Variants in DIP2C observed in about 807,000 individuals in gnomAD.
DIP2C encodes disco-interacting protein 2 homolog C.
Under a neutral mutation model 192.4 loss-of-function variants are expected in DIP2C, and 33 were observed. The observed-to-expected ratio is 0.17, with a 90% CI of 0.13 to 0.23. DIP2C has a LOEUF of 0.23. Ranked by LOEUF, DIP2C falls within the 10% of genes least tolerant of loss-of-function variation. The probability of loss-of-function intolerance (pLI) is 1.00; values close to 1 mark genes in which losing one functional copy is unlikely to be tolerated. For synonymous variants in DIP2C, 979 were observed against 864.1 expected (o/e 1.13, Z -2.33); for missense variants, 1,537 against 2,110.1 (o/e 0.73, Z 5.32).
At chr10:507,196 C>A (rs1323908175) in intron 1 of DIP2C, among the ~76,000 whole-genome samples, 2 of 147,168 alleles carry the variant, frequency 1.4e-5, no homozygotes, top group East Asian at 4.1e-4. Context: ...CAATCAGAAG[C>A]TTTTGAGGTT....
intron 3 of DIP2C, among the ~76,000 whole-genome samples, chr10:466,071 G>C (rs1163318401): frequency 8.0e-4 from 119 of 148,204 alleles, no homozygotes; most frequent in African/African-American, 2.7e-3. Context: ...AAAAGAGCCC[G>C]CATCACCAAG....
intron 1 of DIP2C, chr10:669,615 G>A (rs1857319461): frequency 6.6e-6 from 1 of 152,238 alleles, no homozygotes; most frequent in Non-Finnish European, 1.5e-5. Flanking sequence ...ACTGGTTTAT[G>A]ATGCAGGTAA....
chr10:572,866 A>G lies in DIP2C; in HGVS notation c.86-86336T>C, dbSNP rs373135027. On this transcript the variant is annotated intron_variant, in intron 1 of 36. Coordinates refer to ENST00000280886, the MANE Select transcript of DIP2C (RefSeq NM_014974.3). ...GCCAGGAAACTGCACTCTCCAGTAA[A>G]TGACAGCCGGCGGGACTCGCTAAAC... 4.6e-5 allele frequency among the ~76,000 whole-genome samples: 7 copies of G among 152,208 alleles called. No individual in the cohort carries two copies. In the East Asian group the frequency reaches 1.4e-3, roughly 29 times the overall value.
intron 4 of DIP2C, among the ~76,000 whole-genome samples, chr10:435,631 A>G (rs567007066): frequency 3.3e-5 from 5 of 152,098 alleles, no homozygotes; most frequent in Non-Finnish European, 7.3e-5. Context: ...CTGTGACCTC[A>G]TGTCTCTTGC....
chr10:548,480 CAGT>C (rs1357965958), intron 1 of DIP2C, among the ~76,000 whole-genome samples: 11 of 146,904 alleles, frequency 7.5e-5, no homozygotes, highest in African/African-American at 2.3e-4. Context: ...GGCAGGCAGG[CAGT>C]GAGGCCAGAG....
chr10:465,700 C>CA (rs1205671275), intron 3 of DIP2C, among the ~76,000 whole-genome samples: 52 of 151,994 alleles, frequency 3.4e-4, no homozygotes, highest in African/African-American at 1.1e-3. Context: ...TCTCAGGATA[C>CA]AAAATCAATG....
intron 1 of DIP2C, among the ~76,000 whole-genome samples, chr10:507,302 C>T (rs1845673254): frequency 6.6e-6 from 1 of 150,560 alleles, no homozygotes; most frequent in Non-Finnish European, 1.5e-5. Flanking sequence ...CAGACCTAGT[C>T]ACCAGCTGCA....
intron 31 of DIP2C, among the ~76,000 whole-genome samples, chr10:314,436 TC>T (rs1267985166): frequency 6.6e-6 from 1 of 152,124 alleles, no homozygotes; most frequent in African/African-American, 2.4e-5. Context: ...TGCTCTTCCC[TC>T]CCCGGTCTCG....
intron 33 of DIP2C, among the ~76,000 whole-genome samples, chr10:287,536 T>A (rs1029827515): frequency 1.3e-5 from 2 of 152,140 alleles, no homozygotes; most frequent in Non-Finnish European, 2.9e-5. Flanking sequence ...GGTGAGCACA[T>A]TCCTACTGTT....
In DIP2C at chr10:349,289, C is replaced by T. The variant is rs753186485; in HGVS notation, c.3109+42G>A. 2.1e-5 allele frequency: 33 copies of T among 1,583,346 alleles called. No homozygotes were observed. The East Asian group carries it at 5.2e-4, about 25-fold the overall frequency. On this transcript the variant is annotated intron_variant, in intron 25 of 36. Coordinates refer to ENST00000280886, the MANE Select transcript of DIP2C (RefSeq NM_014974.3). ...GGGACCTCCTCGCACCGCGGCTGAC[C>T]GGCTTGCCATCTCTCAGGGGAAGCC...
rs368625107 is a variant in DIP2C, at chr10:627,336, C to T, written c.85+62158G>A. Among the ~76,000 whole-genome samples, 108 of 152,354 alleles carry T rather than the reference C, an allele frequency of 7.1e-4. 1 individual carries two copies. In the South Asian group the frequency reaches 0.022, roughly 30 times the overall value. Reference sequence around the variant, plus strand: ...CTCTCCAAAACCCCCCATCAGCATCCCAGCATCTGGACCTGTGTCACCAGC... The same window carrying T: ...CTCTCCAAAACCCCCCATCAGCATCTCAGCATCTGGACCTGTGTCACCAGC... On this transcript the variant is annotated intron_variant, in intron 1 of 36. Transcript: ENST00000280886.
chr10:343,112 AC>A (rs371163036), intron 28 of DIP2C, among the ~76,000 whole-genome samples: 1,751 of 152,250 alleles, frequency 0.012, 35 homozygotes, highest in African/African-American at 0.04. Flanking sequence ...ACACAGTGAA[AC>A]CCCATCTCTA....
At chr10:584,391 C>A (rs1850863972) in intron 1 of DIP2C, among the ~76,000 whole-genome samples, 1 of 151,554 alleles carries the variant, frequency 6.6e-6, no homozygotes. Flanking sequence ...ACCTGACACC[C>A]ACTCACGCGC....
intron 1 of DIP2C, among the ~76,000 whole-genome samples, chr10:582,156 G>A (rs964904059): frequency 2.0e-5 from 3 of 152,272 alleles, no homozygotes; most frequent in Admixed American, 1.3e-4. Flanking sequence ...CCCACCCCCT[G>A]CTACAAAAAC....
intron 19 of DIP2C, among the ~76,000 whole-genome samples, chr10:365,201 G>C (rs1301706704): frequency 6.6e-6 from 1 of 152,156 alleles, no homozygotes; most frequent in Non-Finnish European, 1.5e-5. Context: ...AGCTATCATA[G>C]ACAGGTACTG....
rs553255925 is a variant in DIP2C at position 577,492 on chromosome 10, G to A, written c.86-90962C>T. Among the ~76,000 whole-genome samples the A allele has an allele frequency of 7.9e-5, 12 of 152,288 alleles. No individual in the cohort carries two copies. The East Asian group carries it at 1.9e-3, about 24-fold the overall frequency. ...TCTATGAAGGTGGTAAGAGCTTCGC[G>A]AGTCGCAGAGCCTCGTATTCCTATT... On this transcript the variant is annotated intron_variant, in intron 1 of 36. Transcript: ENST00000280886.
intron 1 of DIP2C, among the ~76,000 whole-genome samples, chr10:499,382 G>A (rs946984289): frequency 2.0e-5 from 3 of 152,172 alleles, no homozygotes; most frequent in Non-Finnish European, 4.4e-5. Flanking sequence ...ATAAAGAACT[G>A]CCCAAGACTC....
intron 1 of DIP2C, among the ~76,000 whole-genome samples, chr10:544,097 G>A (rs1848151897): frequency 1.3e-5 from 2 of 152,246 alleles, no homozygotes; most frequent in Non-Finnish European, 2.9e-5. Context: ...ATGACCTTTG[G>A]TACTGCCATC....
chr10:424,938 CTAA>C (rs1383968947), intron 4 of DIP2C, among the ~76,000 whole-genome samples: 1 of 151,886 alleles, frequency 6.6e-6, no homozygotes, highest in Non-Finnish European at 1.5e-5. Flanking sequence ...CCAACGGTGA[CTAA>C]TATGACACAG....
Sources: gnomAD v4.1 joint callset for allele counts (sites outside exome capture counted in the v4.1 genomes callset) on GRCh38, gnomAD v4.1.1 for gene constraint, MANE v1.5 for transcripts, NCBI Gene and HGNC (gene_info 2026-07-23, HGNC 2026-07-21) for gene names.